HYCC1: variants seen among roughly 807,000 people sequenced by gnomAD.
HYCC1 encodes the protein hyccin.
chr7:22,946,870 T>C, the HYCC1 span: 1 of 1,109,444 alleles, frequency 9.0e-7, no homozygotes, highest in Non-Finnish European at 1.3e-6. Flanking sequence ...AATTCATGCA[T>C]TTGGATTAGA....
At chr7:22,974,764 A>G in the HYCC1 span, among the ~76,000 whole-genome samples, 2 of 152,174 alleles carry the variant, frequency 1.3e-5, no homozygotes, top group Non-Finnish European at 2.9e-5. Flanking sequence ...CTCATCTTCA[A>G]CTGTAGCTCC....
At chr7:23,007,174 A>G in the HYCC1 span, among the ~76,000 whole-genome samples, 3 of 152,300 alleles carry the variant, frequency 2.0e-5, no homozygotes, top group African/African-American at 7.2e-5. Context: ...AATTAAAACT[A>G]AGTGTGCAAA....
chr7:23,005,201 T>C, the HYCC1 span, among the ~76,000 whole-genome samples: 1 of 152,114 alleles, frequency 6.6e-6, no homozygotes, highest in Non-Finnish European at 1.5e-5. Context: ...GGAAGCAACA[T>C]GGCATAATGA....
At chr7:22,917,160 CCTT>C in the HYCC1 span, among the ~76,000 whole-genome samples, 1 of 152,154 alleles carries the variant, frequency 6.6e-6, no homozygotes, top group Non-Finnish European at 1.5e-5. Flanking sequence ...CAGTTTTTCT[CCTT>C]CTCATCGGTC....
chr7:22,991,030 A>T, the HYCC1 span: 1 of 1,471,664 alleles, frequency 6.8e-7, no homozygotes, highest in Non-Finnish European at 9.5e-7. Context: ...TCCTTGGAAT[A>T]TAATTACTAT....
the HYCC1 span, among the ~76,000 whole-genome samples, chr7:22,957,302 G>GAA: frequency 7.0e-6 from 1 of 141,994 alleles, no homozygotes; most frequent in African/African-American, 2.6e-5. Context: ...AAGGGAGATG[G>GAA]AAAAAAAAAA....
chr7:22,974,386 CT>C, the HYCC1 span, among the ~76,000 whole-genome samples: 1 of 152,084 alleles, frequency 6.6e-6, no homozygotes, highest in Admixed American at 6.5e-5. Context: ...GCTGTTCCAC[CT>C]TTTTTGAGAT....
chr7:22,949,315 A>AAGTT, the HYCC1 span, among the ~76,000 whole-genome samples: 108 of 152,174 alleles, frequency 7.1e-4, no homozygotes, highest in African/African-American at 2.4e-3. Context: ...AGGAAGAGCT[A>AAGTT]CACAACTATT....
chr7:22,987,558 A>G, the HYCC1 span, among the ~76,000 whole-genome samples: 2 of 152,208 alleles, frequency 1.3e-5, 1 homozygote, highest in South Asian at 4.1e-4. Context: ...AAATTTTAAA[A>G]AAAGAAAATA....
the HYCC1 span, among the ~76,000 whole-genome samples, chr7:22,901,590 G>A: frequency 1.3e-5 from 2 of 151,990 alleles, no homozygotes; most frequent in South Asian, 2.1e-4. Flanking sequence ...CAACTAAGAT[G>A]GTATTTGGAA....
the HYCC1 span, among the ~76,000 whole-genome samples, chr7:22,953,065 A>C: frequency 6.6e-6 from 1 of 151,950 alleles, no homozygotes; most frequent in Non-Finnish European, 1.5e-5. Flanking sequence ...TAAATGACAG[A>C]ATTCTCCTTA....
At chr7:22,909,268 C>T in the HYCC1 span, among the ~76,000 whole-genome samples, 3 of 152,136 alleles carry the variant, frequency 2.0e-5, no homozygotes, top group African/African-American at 7.2e-5. Context: ...TAAAAGTGTG[C>T]AGCACCTCCC....
At chr7:22,959,012 A>G in the HYCC1 span, among the ~76,000 whole-genome samples, 4 of 152,258 alleles carry the variant, frequency 2.6e-5, no homozygotes, top group African/African-American at 9.6e-5. Flanking sequence ...AGGGTAAACC[A>G]TATCTAATTA....
chr7:22,961,177 A>G, the HYCC1 span: 28 of 1,083,898 alleles, frequency 2.6e-5, no homozygotes, highest in African/African-American at 4.2e-4. Context: ...CTCAATTTAT[A>G]GTTCTAAATT....
At chr7:22,945,336 C>T in the HYCC1 span, 31 of 529,618 alleles carry the variant, frequency 5.9e-5, no homozygotes, top group Non-Finnish European at 9.4e-5. Context: ...CTTAGGGCAA[C>T]AATAACAAAT....
At chr7:22,901,014 G>A in the HYCC1 span, among the ~76,000 whole-genome samples, 1 of 151,864 alleles carries the variant, frequency 6.6e-6, no homozygotes, top group East Asian at 1.9e-4. Context: ...GAGCCCAGGA[G>A]TTTGAGACTA....
the HYCC1 span, among the ~76,000 whole-genome samples, chr7:22,916,837 C>T: frequency 1.3e-5 from 2 of 152,292 alleles, no homozygotes; most frequent in African/African-American, 4.8e-5. Context: ...GAACTCATTG[C>T]CTTAACTCGG....
At chr7:23,014,119 G>T in the HYCC1 span, 7 of 468,406 alleles carry the variant, frequency 1.5e-5, no homozygotes, top group African/African-American at 6.0e-5. Flanking sequence ...CACCACTGCC[G>T]CCAGCCTCTC....
At chr7:23,002,136 GTATATATATATATATATATATATATA>G in the HYCC1 span, among the ~76,000 whole-genome samples, 1 of 76,614 alleles carries the variant, frequency 1.3e-5, no homozygotes, top group Admixed American at 1.8e-4. Flanking sequence ...GGTAAAAATT[GTATATATATATATATATATATATATA>G]TATATATATA....
Sources: gnomAD v4.1 joint callset for allele counts (sites outside exome capture counted in the v4.1 genomes callset) on GRCh38, gnomAD v4.1.1 for gene constraint, MANE v1.5 for transcripts, NCBI Gene and HGNC (gene_info 2026-07-23, HGNC 2026-07-21) for gene names.